Variants in CREB3L2 observed in about 807,000 individuals in gnomAD.
CREB3L2 encodes the protein cAMP responsive element binding protein 3 like 2.
In CREB3L2, 23 loss-of-function variants were observed where a neutral mutation model predicts 57.2. That is an observed-to-expected ratio of 0.40 (90% CI 0.29 to 0.57). The LOEUF is 0.57. CREB3L2 is among the 20% of genes least tolerant of loss of function. The probability of loss-of-function intolerance (pLI) is 0.42; values close to 1 mark genes in which losing one functional copy is unlikely to be tolerated. For missense variants in CREB3L2, 628 were observed against 634.7 expected (o/e 0.99, Z 0.11); for synonymous variants, 268 against 265.1 (o/e 1.01, Z -0.11).
chr7:137,935,934 A>G (rs887350498), intron 1 of CREB3L2: 20 of 961,758 alleles, frequency 2.1e-5, no homozygotes, highest in Non-Finnish European at 2.4e-5. Context: ...AGTAGCTTGC[A>G]AGGAAGGAGT....
chr7:137,926,652 CA>C (rs1423146176), intron 2 of CREB3L2, among the ~76,000 whole-genome samples: 15 of 152,078 alleles, frequency 9.9e-5, no homozygotes, highest in Non-Finnish European at 8.8e-5. Context: ...CAGCCACCTT[CA>C]AAAGATGCTG....
At chr7:137,935,688 C>T (rs1800765100) in intron 1 of CREB3L2, among the ~76,000 whole-genome samples, 1 of 152,160 alleles carries the variant, frequency 6.6e-6, no homozygotes, top group South Asian at 2.1e-4. Flanking sequence ...ATCTCATTTG[C>T]ATCTATTATC....
intron 1 of CREB3L2, among the ~76,000 whole-genome samples, chr7:137,984,380 A>G (rs58833233): frequency 6.6e-6 from 1 of 152,198 alleles, no homozygotes; most frequent in African/African-American, 2.4e-5. Flanking sequence ...GCTTGTCCTA[A>G]TATAGGTACT....
intron 1 of CREB3L2, chr7:137,955,110 C>A: frequency 2.7e-6 from 1 of 377,272 alleles, no homozygotes; most frequent in Non-Finnish European, 5.4e-6. Flanking sequence ...AAACCAATCA[C>A]TCTCTTGACC....
At chr7:137,944,945 T>C (rs1412428996) in intron 1 of CREB3L2, among the ~76,000 whole-genome samples, 1 of 152,192 alleles carries the variant, frequency 6.6e-6, no homozygotes, top group East Asian at 1.9e-4. Flanking sequence ...CAGGCTGGAG[T>C]GCAGTGGCAT....
Position 137,885,125 on chromosome 7 carries a change from T to C in CREB3L2, c.1144-4A>G, listed in dbSNP as rs1195745035. ...CGGCAAAGCACAGCACCACAACCTG[T>C]GGGAGAGAAAGAGGGGAGAGAGAAC... On this transcript the variant is annotated splice_region_variant and splice_polypyrimidine_tract_variant and intron_variant, in intron 9 of 11. Transcript: ENST00000330387. 1 of 1,613,704 alleles carries C rather than the reference T, an allele frequency of 6.2e-7. No individual in the cohort carries two copies. The highest frequency in any genetic ancestry group is 1.7e-5 in the Admixed American group (1 of 59,986).
intron 10 of CREB3L2, chr7:137,884,582 G>T (rs1272558277): frequency 2.7e-6 from 1 of 373,728 alleles, no homozygotes; most frequent in Admixed American, 4.3e-5. Flanking sequence ...CACTTTACAA[G>T]CCCTTACTAT....
chr7:137,931,372 A>G (rs989514144), intron 1 of CREB3L2, among the ~76,000 whole-genome samples: 2 of 151,774 alleles, frequency 1.3e-5, no homozygotes, highest in African/African-American at 2.4e-5. Context: ...AATACAAAAA[A>G]TTAGCCAGGC....
At chr7:137,960,275 A>G (rs1471562039) in intron 1 of CREB3L2, among the ~76,000 whole-genome samples, 2 of 152,198 alleles carry the variant, frequency 1.3e-5, no homozygotes, top group Non-Finnish European at 2.9e-5. Context: ...TGAATTTTCC[A>G]TTATCTAACA....
intron 1 of CREB3L2, among the ~76,000 whole-genome samples, chr7:137,975,494 C>T (rs947646677): frequency 6.6e-6 from 1 of 152,132 alleles, no homozygotes; most frequent in East Asian, 1.9e-4. Context: ...TCCTTTGTTC[C>T]CCAGCCTCAC....
At chr7:137,904,095 G>A (rs1486288322) in intron 6 of CREB3L2, 78 bp from the exon 7 acceptor site, 17 of 1,221,118 alleles carry the variant, frequency 1.4e-5, no homozygotes, top group East Asian at 7.0e-5. Context: ...GGTGGTTAGC[G>A]TAGAAGTCAC....
At chr7:137,938,307 G>A (rs2117254740) in intron 1 of CREB3L2, among the ~76,000 whole-genome samples, 1 of 152,254 alleles carries the variant, frequency 6.6e-6, no homozygotes, top group Middle Eastern at 3.4e-3. Flanking sequence ...GTTCGATTTT[G>A]CTCTGAACCT....
intron 1 of CREB3L2, among the ~76,000 whole-genome samples, chr7:137,996,958 T>G (rs911791546): frequency 2.6e-5 from 4 of 152,190 alleles, no homozygotes; most frequent in Admixed American, 2.6e-4. Context: ...TGTTTTATTT[T>G]CCAGATGGCT....
rs767228180 is a variant in CREB3L2, at chr7:137,884,970, C to T, written c.1270+25G>A. The T allele has an allele frequency of 5.0e-6, 8 of 1,614,040 alleles. 1 individual carries two copies. The South Asian group carries it at 7.7e-5, about 16-fold the overall frequency. On this transcript the variant is annotated intron_variant, in intron 10 of 11. Transcript: ENST00000330387. ...TCTAGGGAAATAAAACAAGACCCTG[C>T]CCAACTTGCCACATGCTGTCTTACC...
At chr7:137,925,806 T>C (rs922361261) in intron 2 of CREB3L2, among the ~76,000 whole-genome samples, 1 of 152,258 alleles carries the variant, frequency 6.6e-6, no homozygotes, top group Non-Finnish European at 1.5e-5. Context: ...CCCGTGTTTG[T>C]TGTCTTGCTT....
At chr7:137,895,199 G>GA (rs1169300171) in intron 8 of CREB3L2, among the ~76,000 whole-genome samples, 1 of 152,294 alleles carries the variant, frequency 6.6e-6, no homozygotes, top group East Asian at 1.9e-4. Context: ...ATACCAGTGG[G>GA]AAAAAATGAC....
intron 8 of CREB3L2, among the ~76,000 whole-genome samples, chr7:137,889,880 AG>A (rs1331424673): frequency 6.6e-6 from 1 of 152,240 alleles, no homozygotes; most frequent in Non-Finnish European, 1.5e-5. Flanking sequence ...ATACTAAGCA[AG>A]CATCTCAAAG....
At chr7:137,928,484 A>C in intron 1 of CREB3L2, 118 bp from the exon 2 acceptor site, 1 of 731,470 alleles carries the variant, frequency 1.4e-6, no homozygotes, top group African/African-American at 1.8e-5. Context: ...TACACACACA[A>C]TGTCCAGTTA....
chr7:137,907,717 G>A (rs868094200), intron 5 of CREB3L2, among the ~76,000 whole-genome samples: 1 of 152,180 alleles, frequency 6.6e-6, no homozygotes, highest in African/African-American at 2.4e-5. Flanking sequence ...GTGTCCTCAT[G>A]TATGGGAGGG....
Sources: gnomAD v4.1 joint callset for allele counts (sites outside exome capture counted in the v4.1 genomes callset) on GRCh38, gnomAD v4.1.1 for gene constraint, MANE v1.5 for transcripts, NCBI Gene and HGNC (gene_info 2026-07-23, HGNC 2026-07-21) for gene names.